The following DNM3 variants were observed in gnomAD, a reference collection of about 807,000 sequenced individuals.
DNM3 encodes the protein dynamin-3.
In DNM3, 47 loss-of-function variants were observed where a neutral mutation model predicts 101.6. The ratio of observed to expected loss-of-function variants is 0.46; its 90% CI spans 0.37 to 0.59. The LOEUF (loss-of-function observed/expected upper bound fraction) is 0.59. Ranked by LOEUF, DNM3 falls within the 20% of genes least tolerant of loss-of-function variation. DNM3 has a pLI of 0.00. For synonymous variants in DNM3, 385 were observed against 387.9 expected, an observed-to-expected ratio of 0.99 and a Z score of 0.09; for missense variants, 849 against 1,085.7, an observed-to-expected ratio of 0.78 and a Z score of 3.06.
At chr1:172,101,568 T>C (rs1030903684) in intron 13 of DNM3, among the ~76,000 whole-genome samples, 3 of 152,342 alleles carry the variant, frequency 2.0e-5, no homozygotes, top group South Asian at 4.1e-4. Context: ...GTGTTGGGTG[T>C]TTTACACACA....
intron 14 of DNM3, among the ~76,000 whole-genome samples, chr1:172,183,869 A>C (rs1342604097): frequency 6.9e-6 from 1 of 145,098 alleles, no homozygotes; most frequent in Non-Finnish European, 1.5e-5. Flanking sequence ...TAGCCTCCCA[A>C]AGTGCTGGGA....
chr1:171,925,830 T>C (rs1484647826), intron 2 of DNM3, among the ~76,000 whole-genome samples: 2 of 152,194 alleles, frequency 1.3e-5, no homozygotes, highest in African/African-American at 4.8e-5. Flanking sequence ...AGAATTTTTA[T>C]AGTTTGAGGA....
chr1:172,411,870 G>T lies in DNM3; in HGVS notation c.*4029G>T. ...GTAAATGAATCTAGATGATTTTGAA[G>T]AAATGATTATTCGTTCACCAGATCA... is the stretch of plus-strand genomic sequence containing the variant. On this transcript the variant is annotated 3_prime_UTR_variant, in exon 21 of 21. Coordinates refer to ENST00000627582, the MANE Select transcript of DNM3 (RefSeq NM_015569.5). The T allele has an allele frequency of 1.0e-6, 1 of 985,764 alleles. No individual in the cohort carries two copies. 61.1% of individuals were successfully genotyped at this position (985,764 alleles called of 1,614,324 possible).
intron 11 of DNM3, among the ~76,000 whole-genome samples, chr1:172,074,138 A>G (rs1401766501): frequency 6.6e-6 from 1 of 152,122 alleles, no homozygotes; most frequent in African/African-American, 2.4e-5. Flanking sequence ...GATACAACAG[A>G]TGAGGTCTAT....
At chr1:171,901,131 AG>A (rs755909268) in intron 1 of DNM3, among the ~76,000 whole-genome samples, 15,554 of 134,508 alleles carry the variant, frequency 0.12, 2,265 homozygotes, top group East Asian at 0.43. Context: ...AAAAAAAAAA[AG>A]AAAGAAATCT....
intron 15 of DNM3, chr1:172,289,725 T>C: frequency 1.0e-6 from 1 of 984,896 alleles, no homozygotes; most frequent in Non-Finnish European, 1.2e-6. Context: ...TTTGGTTGCA[T>C]GTTCTAAGTT....
intron 12 of DNM3, among the ~76,000 whole-genome samples, chr1:172,088,781 C>T (rs1040813449): frequency 1.3e-5 from 2 of 152,158 alleles, no homozygotes; most frequent in African/African-American, 4.8e-5. Flanking sequence ...TGTCCCTGAA[C>T]ATTCAGAGAA....
chr1:172,241,170 C>A (rs779892778), intron 14 of DNM3, among the ~76,000 whole-genome samples: 2 of 151,846 alleles, frequency 1.3e-5, no homozygotes, highest in Non-Finnish European at 2.9e-5. Context: ...CTCTCTCACT[C>A]ACACCTTGAA....
Position 172,230,162 on chromosome 1 carries a change from G to GT in DNM3, c.1660-23411_1660-23410insT, listed in dbSNP as rs1030561607. 3.9e-4 allele frequency among the ~76,000 whole-genome samples: 54 copies of GT among 139,530 alleles called. 1 individual carries two copies. Among genetic ancestry groups the GT allele is most frequent in the African/African-American group, 1.6e-3 (50 of 30,334 alleles). The allele number at this position is 139,530 out of a possible 152,430, so 91.5% of individuals were successfully genotyped here. A position where few individuals can be genotyped will look rare whatever the true frequency, so the allele number is the denominator to read the frequency against. ...ATATTCTGAGAATTCTGTGTATCTT[G>GT]GCTCTGCCCCATGTGAGAATGAGCG... On this transcript the variant is annotated intron_variant, in intron 14 of 20. Coordinates refer to ENST00000627582, the MANE Select transcript of DNM3 (RefSeq NM_015569.5).
chr1:172,035,563 A>G (rs988713432), intron 6 of DNM3, among the ~76,000 whole-genome samples: 1 of 152,190 alleles, frequency 6.6e-6, no homozygotes, highest in Non-Finnish European at 1.5e-5. Context: ...AGCTGGAATT[A>G]TGGAAGCCAG....
chr1:172,318,292 C>G (rs2065497757), intron 16 of DNM3, among the ~76,000 whole-genome samples: 2 of 151,620 alleles, frequency 1.3e-5, no homozygotes, highest in Admixed American at 1.3e-4. Context: ...ACTGAATGGG[C>G]AAAAACTGGA....
intron 12 of DNM3, 125 bp from the exon 13 acceptor site, chr1:172,092,699 T>A (rs2053992712): frequency 1.0e-6 from 1 of 975,688 alleles, no homozygotes; most frequent in African/African-American, 1.7e-5. Flanking sequence ...TGACCTGGAA[T>A]TTTGGTATTA....
intron 1 of DNM3, among the ~76,000 whole-genome samples, chr1:171,871,593 T>G (rs1424508941): frequency 8.5e-5 from 13 of 152,212 alleles, no homozygotes; most frequent in Admixed American, 6.5e-4. Flanking sequence ...CCTCACAAAT[T>G]TTTTAATTGG....
At chr1:172,358,057 T>C (rs1354476709) in intron 17 of DNM3, among the ~76,000 whole-genome samples, 1 of 152,058 alleles carries the variant, frequency 6.6e-6, no homozygotes, top group Admixed American at 6.6e-5. Context: ...ACTCCTCTCC[T>C]TCTTCTGCCT....
At chr1:172,082,654 A>G (rs1315961611) in intron 12 of DNM3, among the ~76,000 whole-genome samples, 3 of 152,264 alleles carry the variant, frequency 2.0e-5, no homozygotes, top group Admixed American at 2.0e-4. Flanking sequence ...AAAAGAGCCT[A>G]TGTACTTTTA....
chr1:172,308,655 G>A (rs1199812635), intron 15 of DNM3, 73 bp from the exon 16 acceptor site: 10 of 691,826 alleles, frequency 1.4e-5, no homozygotes, highest in Non-Finnish European at 2.2e-5. Flanking sequence ...CATCATCATC[G>A]TCTACAGCAA....
intron 10 of DNM3, among the ~76,000 whole-genome samples, chr1:172,052,481 T>C (rs1053847084): frequency 1.3e-5 from 2 of 152,158 alleles, no homozygotes; most frequent in Non-Finnish European, 2.9e-5. Context: ...GGGAAAAAAG[T>C]AGTTTATGCT....
chr1:172,386,255 A>AT (rs66642613), intron 18 of DNM3, among the ~76,000 whole-genome samples: 10,161 of 150,794 alleles, frequency 0.067, 389 homozygotes, highest in East Asian at 0.12. Flanking sequence ...GATTGATGGT[A>AT]TTTTTTTTTT....
At chr1:171,921,880 C>T in intron 2 of DNM3, 59 bp downstream of exon 2, 1 of 1,478,316 alleles carries the variant, frequency 6.8e-7, no homozygotes. Flanking sequence ...CTTTTGCCTT[C>T]ATAGGTGTGG....
Sources: gnomAD v4.1 joint callset for allele counts (sites outside exome capture counted in the v4.1 genomes callset) on GRCh38, gnomAD v4.1.1 for gene constraint, MANE v1.5 for transcripts, NCBI Gene and HGNC (gene_info 2026-07-23, HGNC 2026-07-21) for gene names.